SKAP1: variants seen among roughly 807,000 people sequenced by gnomAD.
The protein encoded by SKAP1 is src kinase associated phosphoprotein 1, also known as src kinase-associated phosphoprotein 1.
Under a neutral mutation model 58.5 loss-of-function variants are expected in SKAP1, and 44 were observed. The observed-to-expected ratio is 0.75, with a 90% confidence interval of 0.59 to 0.97. The LOEUF is 0.97. SKAP1 is among the 50% of genes least tolerant of loss of function. The pLI is 0.00. For synonymous variants in SKAP1, 127 were observed against 149.7 expected, an observed-to-expected ratio of 0.85 and a Z score of 1.11; for missense variants, 390 against 435.2, an observed-to-expected ratio of 0.90 and a Z score of 0.92.
At chr17:48,195,075 T>C (rs527617856) in intron 4 of SKAP1, among the ~76,000 whole-genome samples, 1 of 152,292 alleles carries the variant, frequency 6.6e-6, no homozygotes, top group South Asian at 2.1e-4. Flanking sequence ...AGGAGGGTAT[T>C]GCAGATAGGT....
chr17:48,274,952 C>T (rs1282912786), intron 4 of SKAP1, among the ~76,000 whole-genome samples: 4 of 152,256 alleles, frequency 2.6e-5, no homozygotes, highest in Non-Finnish European at 5.9e-5. Context: ...CAACTGCCAT[C>T]ACCTCCTTCC....
At chr17:48,361,228 A>T (rs1267093531) in intron 3 of SKAP1, among the ~76,000 whole-genome samples, 3 of 149,310 alleles carry the variant, frequency 2.0e-5, no homozygotes, top group Non-Finnish European at 4.4e-5. Flanking sequence ...TTTTTGAGAC[A>T]GAGTTTTGCT....
chr17:48,405,649 C>T (rs992725560), intron 1 of SKAP1, among the ~76,000 whole-genome samples: 10 of 151,210 alleles, frequency 6.6e-5, no homozygotes, highest in Admixed American at 3.3e-4. Context: ...TACAGGTGCC[C>T]GCCACCATGC....
chr17:48,269,958 C>T (rs1000155254), intron 4 of SKAP1, among the ~76,000 whole-genome samples: 1 of 151,854 alleles, frequency 6.6e-6, no homozygotes, highest in African/African-American at 2.4e-5. Context: ...ACTAAAAATA[C>T]AAGATTAGCC....
chr17:48,161,381 T>C (rs1567799790), intron 11 of SKAP1, among the ~76,000 whole-genome samples: 1 of 152,250 alleles, frequency 6.6e-6, no homozygotes, highest in African/African-American at 2.4e-5. Flanking sequence ...TTTGTAGAGA[T>C]TGATTGGCTG....
intron 4 of SKAP1, among the ~76,000 whole-genome samples, chr17:48,276,847 T>G (rs1217780413): frequency 6.6e-6 from 1 of 152,236 alleles, no homozygotes; most frequent in Non-Finnish European, 1.5e-5. Flanking sequence ...CAGATTGAGC[T>G]AGTTGTATGC....
At chr17:48,173,336 G>A (rs1008689150) in intron 9 of SKAP1, among the ~76,000 whole-genome samples, 3 of 152,138 alleles carry the variant, frequency 2.0e-5, no homozygotes, top group African/African-American at 7.2e-5. Context: ...CACCTGTAGT[G>A]CTCCCTCAAC....
rs373452898 is a variant in SKAP1, at chr17:48,345,983, A to T, written c.202T>A (p.Ser68Thr). The change falls in exon 4 of 13, where the codon TCT (serine) becomes ACT (threonine). Residue 68 changes from serine (S) to threonine (T), a missense_variant. Transcript: ENST00000336915. ...AGAGTCCCGCTGTGATTATCATCAGAGCTGTCCTGTCCAATGTCTCCCCCT... is the reference window on the plus strand; with the variant it reads ...AGAGTCCCGCTGTGATTATCATCAGTGCTGTCCTGTCCAATGTCTCCCCCT... The part of the protein sequence containing the change: ...PQGGDIGQDS[S>T]DDNHSGTLGL... 1.2e-6 allele frequency: 2 copies of T among 1,612,448 alleles called. No individual in the cohort carries two copies. The highest frequency in any genetic ancestry group is 2.7e-5 in the African/African-American group (2 of 74,952).
chr17:48,396,461 T>C (rs1398983544), intron 2 of SKAP1, among the ~76,000 whole-genome samples: 2 of 152,220 alleles, frequency 1.3e-5, no homozygotes, highest in East Asian at 3.8e-4. Flanking sequence ...AGCAGAATAA[T>C]TACCTCAAGA....
chr17:48,430,132 G>T lies in SKAP1; in HGVS notation c.-12C>A. 7.9e-7 allele frequency: 1 copy of T among 1,260,054 alleles called. No homozygotes were observed. The highest frequency in any genetic ancestry group is 1.0e-6 in the Non-Finnish European group (1 of 995,278). The allele number at this position is 1,260,054 out of a possible 1,614,324, so 78.1% of individuals were successfully genotyped here. Reference sequence around the variant, plus strand: ...GCGGCGGCCTGCATTTGGCTGGGCGGGAGAGAGGCGGGACGGGGCGCGGGC... The same window carrying T: ...GCGGCGGCCTGCATTTGGCTGGGCGTGAGAGAGGCGGGACGGGGCGCGGGC... On this transcript the variant is annotated 5_prime_UTR_variant, in exon 1 of 13. Coordinates refer to ENST00000336915, the MANE Select transcript of SKAP1 (RefSeq NM_003726.4).
At chr17:48,265,846 A>T (rs968346648) in intron 4 of SKAP1, among the ~76,000 whole-genome samples, 2 of 152,206 alleles carry the variant, frequency 1.3e-5, no homozygotes, top group African/African-American at 4.8e-5. Context: ...GCCATGCTCC[A>T]AATGCCTCCC....
chr17:48,296,735 C>T (rs2144106178), intron 4 of SKAP1, among the ~76,000 whole-genome samples: 1 of 152,044 alleles, frequency 6.6e-6, no homozygotes, highest in South Asian at 2.1e-4. Flanking sequence ...CTCTCCATTC[C>T]AGTCTTGGGA....
Position 48,379,674 on chromosome 17 carries a change from ATCT to A in SKAP1, c.153-15863_153-15861del, listed in dbSNP as rs201901119. ...AATTGTAAAGATTCTATACTAAAGT[ATCT>A]TCTTCTTTTTTTTTTTTTTTTTGAG... On this transcript the variant is annotated intron_variant, in intron 2 of 12. Coordinates refer to ENST00000336915, the MANE Select transcript of SKAP1 (RefSeq NM_003726.4). 1.8e-3 allele frequency among the ~76,000 whole-genome samples: 246 copies of A among 140,166 alleles called. 4 individuals are homozygous for A. Among genetic ancestry groups the A allele is most frequent in the Admixed American group, 0.013 (174 of 13,758 alleles). The allele number at this position is 140,166 out of a possible 152,430, so 92.0% of individuals were successfully genotyped here.
intron 11 of SKAP1, among the ~76,000 whole-genome samples, chr17:48,139,868 C>T (rs1435375506): frequency 2.6e-5 from 4 of 152,120 alleles, no homozygotes; most frequent in Non-Finnish European, 5.9e-5. Context: ...CGGGGAAGCA[C>T]CCCTCCCCTG....
At position 48,425,161 on chromosome 17, in the gene SKAP1, G is replaced by A. The variant is rs561039319; in HGVS notation, c.46+4914C>T. Among the ~76,000 whole-genome samples, 270 of 152,226 alleles carry A rather than the reference G, an allele frequency of 1.8e-3. 1 individual carries two copies. The highest frequency in any genetic ancestry group is 2.6e-3 in the Non-Finnish European group (174 of 67,984). On this transcript the variant is annotated intron_variant, in intron 1 of 12. Transcript: ENST00000336915. ...TATTCCCAGCTACTCAGGAGGCTGA[G>A]GCAGAAGAATTGCTCGAACCTGGGA...
Position 48,418,644 on chromosome 17 carries a change from C to G in SKAP1, c.46+11431G>C, listed in dbSNP as rs1020549731. ...GCTTATGTTCACAAAACAAGTTATA[C>G]AAGAATGCTCATAGCAGCTGTATTC... is the stretch of plus-strand genomic sequence containing the variant. On this transcript the variant is annotated intron_variant, in intron 1 of 12. Transcript: ENST00000336915. Among the ~76,000 whole-genome samples, 7 of 152,184 alleles carry G rather than the reference C, an allele frequency of 4.6e-5. No individual in the cohort carries two copies. In the South Asian group the frequency reaches 1.5e-3, roughly 32 times the overall value.
At chr17:48,354,135 G>A (rs1440922452) in intron 3 of SKAP1, among the ~76,000 whole-genome samples, 1 of 152,056 alleles carries the variant, frequency 6.6e-6, no homozygotes, top group Non-Finnish European at 1.5e-5. Context: ...CTGAAGAAAG[G>A]GTAAGTTTTC....
chr17:48,277,627 A>G (rs1340803731), intron 4 of SKAP1, among the ~76,000 whole-genome samples: 4 of 152,244 alleles, frequency 2.6e-5, no homozygotes, highest in Non-Finnish European at 4.4e-5. Flanking sequence ...AATTTTTAAC[A>G]AACGTCATAG....
chr17:48,285,849 C>T (rs1448645837), intron 4 of SKAP1, among the ~76,000 whole-genome samples: 1 of 152,188 alleles, frequency 6.6e-6, no homozygotes, highest in Admixed American at 6.5e-5. Context: ...TGTATATGAA[C>T]ATTCCTGATT....
Sources: allele counts gnomAD v4.1 joint callset (sites outside exome capture counted in the v4.1 genomes callset), GRCh38; gene constraint gnomAD v4.1.1; transcripts MANE v1.5; gene names NCBI Gene and HGNC (gene_info 2026-07-23, HGNC 2026-07-21).